Variants in CABP1 observed in about 807,000 individuals in gnomAD.
The protein encoded by CABP1 is calcium binding protein 1.
CABP1 carries 17 observed loss-of-function variants against 34.3 expected under a neutral mutation model. The ratio of observed to expected loss-of-function variants is 0.50; its 90% CI spans 0.34 to 0.74. CABP1 has a LOEUF of 0.74. CABP1 is among the 30% of genes least tolerant of loss of function. The pLI is 0.01. For synonymous variants in CABP1, 198 were observed against 229.2 expected (o/e 0.86, Z 1.23); for missense variants, 373 against 511.1 (o/e 0.73, Z 2.61).
intron 1 of CABP1, among the ~76,000 whole-genome samples, chr12:120,646,118 AC>A (rs1879527267): frequency 2.0e-5 from 3 of 152,154 alleles, no homozygotes; most frequent in Admixed American, 6.5e-5. Flanking sequence ...CTCCGAAAAT[AC>A]CTGCCTGTTC....
In CABP1 at chr12:120,648,573, G is replaced by A. The variant is rs11065185; in HGVS notation, c.654+7234G>A. On this transcript the variant is annotated intron_variant, in intron 1 of 5. Coordinates refer to ENST00000316803, the MANE Select transcript of CABP1 (RefSeq NM_001033677.2). ...GGAAACTGAAGTTCAGGAATGGGAG[G>A]CAGCCACCCAGTCAGAAGCTGGCAG... 2.2e-3 allele frequency among the ~76,000 whole-genome samples: 333 copies of A among 152,192 alleles called. 11 individuals are homozygous for A. In the East Asian group the frequency reaches 0.05, roughly 23 times the overall value.
intron 1 of CABP1, among the ~76,000 whole-genome samples, chr12:120,643,154 C>T (rs903733514): frequency 2.6e-5 from 4 of 152,174 alleles, no homozygotes; most frequent in African/African-American, 9.7e-5. Context: ...TGAAATGTCA[C>T]CAGGGTCACC....
chr12:120,676,280 G>C, the CABP1 span, among the ~76,000 whole-genome samples: 1 of 152,212 alleles, frequency 6.6e-6, no homozygotes, highest in Non-Finnish European at 1.5e-5. Context: ...CATCATGGCA[G>C]AATGCTCTTG....
intron 1 of CABP1, among the ~76,000 whole-genome samples, chr12:120,647,057 G>A (rs1174575194): frequency 2.0e-5 from 3 of 152,162 alleles, no homozygotes; most frequent in Non-Finnish European, 2.9e-5. Flanking sequence ...TGTTTCCAAC[G>A]ACAGAGGCAT....
chr12:120,660,423 C>T lies in CABP1; in HGVS notation c.829+84C>T, dbSNP rs1307553060. On this transcript the variant is annotated intron_variant, in intron 3 of 5. Transcript: ENST00000316803. The surrounding 1 kb of genome is among the most constrained non-coding windows in gnomAD (Gnocchi z 5.0). The stretch of plus-strand genomic sequence containing the variant: ...AGTCAGACAGGACTGGCTTCAAATT[C>T]TGCATCCACCTCTTACCAGCTCTGT... 63 of 1,409,810 alleles carry T rather than the reference C, an allele frequency of 4.5e-5. No homozygotes were observed. The highest frequency in any genetic ancestry group is 6.0e-5 in the Non-Finnish European group (62 of 1,035,718). 87.3% of individuals were successfully genotyped at this position (1,409,810 alleles called of 1,614,324 possible).
chr12:120,675,966 C>T, the CABP1 span, among the ~76,000 whole-genome samples: 1 of 152,126 alleles, frequency 6.6e-6, no homozygotes, highest in Non-Finnish European at 1.5e-5. Flanking sequence ...ATTCCAGCTA[C>T]TTGGGAGGCT....
intron 1 of CABP1, chr12:120,650,719 A>T: frequency 6.3e-7 from 1 of 1,599,658 alleles, no homozygotes; most frequent in Non-Finnish European, 8.6e-7. Context: ...GGGGCTGGGG[A>T]TTGGGGGTAT....
chr12:120,668,451 G>A (rs186137692), downstream of CABP1, among the ~76,000 whole-genome samples: 37 of 152,320 alleles, frequency 2.4e-4, no homozygotes, highest in Admixed American at 1.8e-3. Flanking sequence ...GTGACGGAGC[G>A]AGACTCCGTC....
chr12:120,661,347 T>C lies in CABP1; in HGVS notation c.1087+129T>C. ...CCAACCCCCAGCCCTTTCATCCTCT[T>C]ATCCCTCCGTCCATGCCCCCGTCTA... On this transcript the variant is annotated intron_variant, in intron 5 of 5. Transcript: ENST00000316803. This position sits in a 1 kb window ranked among gnomAD's most constrained non-coding sequence, Gnocchi z 5.1. The C allele has an allele frequency of 1.0e-5, 10 of 993,798 alleles. No homozygotes were observed. Among genetic ancestry groups the C allele is most frequent in the Non-Finnish European group, 1.5e-5 (10 of 688,740 alleles). 61.6% of individuals were successfully genotyped at this position (993,798 alleles called of 1,614,324 possible). A position where few individuals can be genotyped will look rare whatever the true frequency, so the allele number is the denominator to read the frequency against.
In CABP1 at chr12:120,650,790, AG is replaced by A. The variant is rs1565995873; in HGVS notation, c.655-9084del. On this transcript the variant is annotated intron_variant, in intron 1 of 5. Transcript: ENST00000316803. ...GTGGCTGGAGCTTGCTATCCTTCCC[AG>A]GGGTTCTGTCCAGGGCTGCCTCCCT... 5.2e-6 allele frequency: 6 copies of A among 1,156,614 alleles called. No individual in the cohort carries two copies. The Admixed American group carries it at 1.1e-4, about 20-fold the overall frequency. The allele number at this position is 1,156,614 out of a possible 1,614,324, so 71.6% of individuals were successfully genotyped here. A position where few individuals can be genotyped will look rare whatever the true frequency, so the allele number is the denominator to read the frequency against.
chr12:120,668,001 G>C (rs1237112271), downstream of CABP1, among the ~76,000 whole-genome samples: 2 of 152,226 alleles, frequency 1.3e-5, no homozygotes, highest in Non-Finnish European at 2.9e-5. Context: ...ACTGGTTGGA[G>C]AGACAGGCAT....
At chr12:120,651,834 A>G (rs1879865838) in intron 1 of CABP1, among the ~76,000 whole-genome samples, 1 of 152,050 alleles carries the variant, frequency 6.6e-6, no homozygotes, top group Admixed American at 6.6e-5. Context: ...CCTCCCCCAT[A>G]ATCTGGTATC....
At chr12:120,655,789 G>C in intron 1 of CABP1, 1 of 1,501,018 alleles carries the variant, frequency 6.7e-7, no homozygotes, top group Non-Finnish European at 8.9e-7. Context: ...ATGCACTTGG[G>C]TGTGTGATTC....
chr12:120,651,502 T>C (rs1025607413), intron 1 of CABP1, among the ~76,000 whole-genome samples: 12 of 152,198 alleles, frequency 7.9e-5, no homozygotes, highest in African/African-American at 2.2e-4. Context: ...TGCCAGGCCA[T>C]AGAAGAGACT....
chr12:120,658,008 G>A (rs138118331), intron 1 of CABP1, among the ~76,000 whole-genome samples: 1,805 of 151,714 alleles, frequency 0.012, 132 homozygotes, highest in Admixed American at 0.1. Context: ...ATCCTTTTTG[G>A]TCACCCAAAA....
chr12:120,677,181 G>A, the CABP1 span, among the ~76,000 whole-genome samples: 2 of 147,378 alleles, frequency 1.4e-5, no homozygotes, highest in South Asian at 2.3e-4. Context: ...TCCGCCTCCC[G>A]GGCTCAAGCG....
At chr12:120,656,173 A>G (rs1880194061) in intron 1 of CABP1, 4 of 1,613,774 alleles carry the variant, frequency 2.5e-6, no homozygotes, top group African/African-American at 1.3e-5. Flanking sequence ...AGCTCCCGGG[A>G]CCGCTCCTGA....
chr12:120,657,521 A>C (rs1209803887), intron 1 of CABP1, among the ~76,000 whole-genome samples: 1 of 152,170 alleles, frequency 6.6e-6, no homozygotes, highest in East Asian at 1.9e-4. Flanking sequence ...CTCCCCAGCC[A>C]CATGTACTGG....
chr12:120,678,988 A>T, the CABP1 span, among the ~76,000 whole-genome samples: 2 of 143,496 alleles, frequency 1.4e-5, no homozygotes, highest in African/African-American at 5.3e-5. Flanking sequence ...CAGGAGAATC[A>T]CTTGAACTGA....
Sources: gnomAD v4.1 joint callset for allele counts (sites outside exome capture counted in the v4.1 genomes callset) on GRCh38, gnomAD v4.1.1 for gene constraint, Gnocchi (gnomAD v3.1) non-coding constraint, MANE v1.5 for transcripts, NCBI Gene and HGNC (gene_info 2026-07-23, HGNC 2026-07-21) for gene names.